Variants in EXOC4 observed in about 807,000 individuals in gnomAD.
The protein encoded by EXOC4 is SEC8-like 1.
EXOC4 carries 71 observed loss-of-function variants against 107.2 expected under a neutral mutation model. That is an observed-to-expected ratio of 0.66 (90% CI 0.55 to 0.81). The LOEUF (loss-of-function observed/expected upper bound fraction) is 0.81. EXOC4 is among the 30% of genes least tolerant of loss of function. The pLI is 0.00. For missense variants in EXOC4, 1,108 were observed against 1,189.6 expected, an observed-to-expected ratio of 0.93 and a Z score of 1.01; for synonymous variants, 456 against 441.2, an observed-to-expected ratio of 1.03 and a Z score of -0.42.
At chr7:133,491,917 A>G (rs1298385249) in intron 9 of EXOC4, among the ~76,000 whole-genome samples, 1 of 152,082 alleles carries the variant, frequency 6.6e-6, no homozygotes, top group Non-Finnish European at 1.5e-5. Context: ...TGAGAATCTC[A>G]TGGAACTGGA....
chr7:133,775,961 T>C (rs1796336848), intron 10 of EXOC4, among the ~76,000 whole-genome samples: 1 of 152,176 alleles, frequency 6.6e-6, no homozygotes. Flanking sequence ...AGGAATTGCA[T>C]CTATCTTCTT....
At chr7:133,988,819 G>GT (rs1794180481) in intron 14 of EXOC4, among the ~76,000 whole-genome samples, 1 of 152,102 alleles carries the variant, frequency 6.6e-6, no homozygotes, top group South Asian at 2.1e-4. Flanking sequence ...AAAGAAAGTG[G>GT]TAAGAGATGG....
At chr7:133,347,838 A>G (rs1795821613) in intron 5 of EXOC4, among the ~76,000 whole-genome samples, 2 of 152,226 alleles carry the variant, frequency 1.3e-5, no homozygotes, top group Non-Finnish European at 2.9e-5. Flanking sequence ...TTTAATATTT[A>G]GCATTATCAG....
intron 12 of EXOC4, among the ~76,000 whole-genome samples, chr7:133,901,571 A>G (rs1331275239): frequency 2.0e-5 from 3 of 152,208 alleles, no homozygotes; most frequent in Admixed American, 6.5e-5. Context: ...CAAAAAGGTA[A>G]TAATAGTCCT....
chr7:133,594,740 C>T (rs1801627036), intron 9 of EXOC4, among the ~76,000 whole-genome samples: 1 of 152,072 alleles, frequency 6.6e-6, no homozygotes, highest in African/African-American at 2.4e-5. Flanking sequence ...GATCCACCTG[C>T]CTCGGCCTCC....
chr7:134,080,236 A>C, the EXOC4 span, among the ~76,000 whole-genome samples: 16 of 152,234 alleles, frequency 1.1e-4, no homozygotes, highest in Admixed American at 2.6e-4. Context: ...TCTACAACAA[A>C]AACAAAATTC....
intron 7 of EXOC4, among the ~76,000 whole-genome samples, chr7:133,376,403 A>G (rs1006866493): frequency 7.2e-5 from 11 of 152,200 alleles, no homozygotes; most frequent in African/African-American, 2.7e-4. Context: ...TCCATGTTTA[A>G]GTATGAAATA....
chr7:133,973,340 A>G (rs1793743922), intron 14 of EXOC4, among the ~76,000 whole-genome samples: 1 of 152,172 alleles, frequency 6.6e-6, no homozygotes, highest in Non-Finnish European at 1.5e-5. Flanking sequence ...CTGTGTCTTG[A>G]AGGGTAAATA....
chr7:133,628,517 G>C (rs1219270950), intron 9 of EXOC4, among the ~76,000 whole-genome samples: 1 of 152,142 alleles, frequency 6.6e-6, no homozygotes, highest in African/African-American at 2.4e-5. Flanking sequence ...CCCTGGAGTG[G>C]GTAAAAGGTG....
At chr7:133,807,017 C>G (rs1240031625) in intron 10 of EXOC4, among the ~76,000 whole-genome samples, 1 of 152,184 alleles carries the variant, frequency 6.6e-6, no homozygotes, top group Non-Finnish European at 1.5e-5. Flanking sequence ...CAGGGCTCTG[C>G]ATCCACAACC....
intron 6 of EXOC4, among the ~76,000 whole-genome samples, chr7:133,361,352 C>T (rs953815640): frequency 6.6e-6 from 1 of 152,148 alleles, no homozygotes; most frequent in Admixed American, 6.5e-5. Context: ...GTGATCTTGG[C>T]TCACTGCAAG....
chr7:133,882,341 C>T (rs1798983391), intron 11 of EXOC4, among the ~76,000 whole-genome samples: 1 of 152,154 alleles, frequency 6.6e-6, no homozygotes, highest in African/African-American at 2.4e-5. Flanking sequence ...TAGCATTAGA[C>T]CTGCTTTTTG....
At chr7:133,576,104 T>G (rs752128512) in intron 9 of EXOC4, among the ~76,000 whole-genome samples, 1 of 152,186 alleles carries the variant, frequency 6.6e-6, no homozygotes, top group Non-Finnish European at 1.5e-5. Context: ...TCTTTACATC[T>G]TTTTGGACCT....
chr7:133,457,682 C>T (rs1195580407), intron 7 of EXOC4, among the ~76,000 whole-genome samples: 2 of 152,210 alleles, frequency 1.3e-5, no homozygotes, highest in Non-Finnish European at 1.5e-5. Context: ...GCCGGAAGGA[C>T]TTCACAATCT....
chr7:133,356,634 G>C (rs1796027198), intron 6 of EXOC4, 61 bp downstream of exon 6: 9 of 1,574,692 alleles, frequency 5.7e-6, no homozygotes, highest in Middle Eastern at 1.7e-4. Flanking sequence ...TTCTAGGGTG[G>C]GGCGTAAGTA....
intron 9 of EXOC4, among the ~76,000 whole-genome samples, chr7:133,534,715 A>G (rs988409891): frequency 3.3e-5 from 5 of 152,208 alleles, no homozygotes; most frequent in African/African-American, 1.2e-4. Context: ...AAAGAAGGAA[A>G]TAAATCTTGA....
chr7:134,043,548 A>G (rs936432373), intron 17 of EXOC4, among the ~76,000 whole-genome samples: 3 of 152,226 alleles, frequency 2.0e-5, no homozygotes, highest in East Asian at 1.9e-4. Context: ...CAACAGAAGT[A>G]TAAATCTGGA....
chr7:134,098,963 G>T, the EXOC4 span, among the ~76,000 whole-genome samples: 1 of 152,152 alleles, frequency 6.6e-6, no homozygotes, highest in Non-Finnish European at 1.5e-5. Context: ...CAAGCTTGGG[G>T]TAGGGAGGTG....
chr7:133,862,822 C>T (rs1798563312), intron 11 of EXOC4, among the ~76,000 whole-genome samples: 1 of 151,124 alleles, frequency 6.6e-6, no homozygotes, highest in Non-Finnish European at 1.5e-5. Flanking sequence ...TTACATTTGG[C>T]AATGTGACAG....
Sources: gnomAD v4.1 joint callset for allele counts (sites outside exome capture counted in the v4.1 genomes callset) on GRCh38, gnomAD v4.1.1 for gene constraint, MANE v1.5 for transcripts, NCBI Gene and HGNC (gene_info 2026-07-23, HGNC 2026-07-21) for gene names.